The following ZNRF2 variants were observed in gnomAD, a reference collection of about 807,000 sequenced individuals.
The protein encoded by ZNRF2 is zinc and ring finger 2.
Under a neutral mutation model 20.4 loss-of-function variants are expected in ZNRF2, and 16 were observed. That is an observed-to-expected ratio of 0.79 (90% CI 0.53 to 1.19). The LOEUF is 1.19. Ranked by LOEUF, ZNRF2 falls within the 50% of genes most tolerant of loss-of-function variation. The pLI is 0.00. For synonymous variants in ZNRF2, 178 were observed against 144.9 expected (o/e 1.23, Z -1.64); for missense variants, 363 against 332.4 (o/e 1.09, Z -0.72).
chr7:30,288,474 A>T (rs907404274), intron 1 of ZNRF2, among the ~76,000 whole-genome samples: 1 of 152,212 alleles, frequency 6.6e-6, no homozygotes, highest in Non-Finnish European at 1.5e-5. Context: ...TATTTTTAAC[A>T]CTTAAGAGTC....
intron 3 of ZNRF2, 61 bp from the exon 4 acceptor site, chr7:30,362,316 C>A: frequency 8.8e-7 from 1 of 1,134,594 alleles, no homozygotes; most frequent in Non-Finnish European, 1.2e-6. Flanking sequence ...TTTACTGTGG[C>A]TCTCATTATA....
At chr7:30,322,111 C>T (rs966983435) in intron 1 of ZNRF2, among the ~76,000 whole-genome samples, 2 of 151,922 alleles carry the variant, frequency 1.3e-5, no homozygotes, top group Non-Finnish European at 2.9e-5. Context: ...TTGTTTTAAT[C>T]GAATCCTCCT....
At position 30,367,687 on chromosome 7, in the gene ZNRF2, G is replaced by A. The variant is rs1800236835; in HGVS notation, c.*1675G>A. On this transcript the variant is annotated 3_prime_UTR_variant, in exon 5 of 5. Coordinates refer to ENST00000323037, the MANE Select transcript of ZNRF2 (RefSeq NM_147128.4). Reference sequence around the variant, plus strand: ...ATTAAAGAGTTTTTAATTGCTTTCTGTATGATTCCAGCTCAGATAACATTT... The same window carrying A: ...ATTAAAGAGTTTTTAATTGCTTTCTATATGATTCCAGCTCAGATAACATTT... 1.3e-5 allele frequency: 2 copies of A among 151,746 alleles called. No individual in the cohort carries two copies. Among genetic ancestry groups the A allele is most frequent in the Non-Finnish European group, 3.0e-5 (2 of 67,742 alleles). The allele number at this position is 151,746 out of a possible 1,614,324, so 9.4% of individuals were successfully genotyped here.
At chr7:30,365,724 TAGAG>T (rs1800203036) in intron 4 of ZNRF2, among the ~76,000 whole-genome samples, 1 of 152,332 alleles carries the variant, frequency 6.6e-6, no homozygotes, top group Middle Eastern at 3.4e-3. Context: ...CAACCCAAAA[TAGAG>T]AGACATGAAT....
At chr7:30,338,349 T>G (rs1470391908) in intron 2 of ZNRF2, among the ~76,000 whole-genome samples, 1 of 151,932 alleles carries the variant, frequency 6.6e-6, no homozygotes, top group Non-Finnish European at 1.5e-5. Context: ...GGTATACATG[T>G]GCCATGATGG....
intron 1 of ZNRF2, among the ~76,000 whole-genome samples, chr7:30,288,374 A>G (rs1453503075): frequency 1.3e-5 from 2 of 152,220 alleles, no homozygotes; most frequent in African/African-American, 2.4e-5. Flanking sequence ...ACGTCTCCTA[A>G]TAAGAAAATG....
At chr7:30,349,076 C>A (rs1030369522) in intron 2 of ZNRF2, among the ~76,000 whole-genome samples, 1 of 152,118 alleles carries the variant, frequency 6.6e-6, no homozygotes, top group African/African-American at 2.4e-5. Context: ...TTGGCATTTT[C>A]CAGCTTATTT....
At position 30,323,633 on chromosome 7, in the gene ZNRF2, GT is replaced by G; in HGVS notation, c.470-3del. The G allele has an allele frequency of 6.4e-7, 1 of 1,561,180 alleles. No individual in the cohort carries two copies. The highest frequency in any genetic ancestry group is 8.7e-7 in the Non-Finnish European group (1 of 1,154,104). ...TAGTTAAGTAACTTGAGTTTCTTTT[GT>G]TTTTTAGGATTTAAGTGCCCTGTAT... On this transcript the variant is annotated splice_region_variant and splice_polypyrimidine_tract_variant and intron_variant, in intron 1 of 4. Transcript: ENST00000323037.
At chr7:30,290,700 G>A (rs1798884799) in intron 1 of ZNRF2, among the ~76,000 whole-genome samples, 2 of 152,228 alleles carry the variant, frequency 1.3e-5, no homozygotes, top group South Asian at 4.1e-4. Context: ...TAAACACCAG[G>A]AAGTGTAGGA....
Position 30,285,126 on chromosome 7 carries a change from GCGTCTCCT to G in ZNRF2, c.-224_-217del. 2.4e-6 allele frequency: 1 copy of G among 417,920 alleles called. No homozygotes were observed. Among genetic ancestry groups the G allele is most frequent in the Non-Finnish European group, 4.7e-6 (1 of 214,028 alleles). 25.9% of individuals were successfully genotyped at this position (417,920 alleles called of 1,614,324 possible). A position where few individuals can be genotyped will look rare whatever the true frequency, so the allele number is the denominator to read the frequency against. On this transcript the variant is annotated 5_prime_UTR_variant, in exon 1 of 5. Transcript: ENST00000323037. ...CTGCAGCCGGGACCCCTTCCTCTCC[GCGTCTCCT>G]CGTCTCCCGCGCCCGCGTCAGGCCG... is the stretch of plus-strand genomic sequence containing the variant.
At chr7:30,301,718 A>AAC in intron 1 of ZNRF2, among the ~76,000 whole-genome samples, 1 of 151,264 alleles carries the variant, frequency 6.6e-6, no homozygotes, top group Non-Finnish European at 1.5e-5. Context: ...AAAAAAAAAA[A>AAC]AAAAACTTAT....
intron 3 of ZNRF2, among the ~76,000 whole-genome samples, chr7:30,359,513 A>G (rs1800094217): frequency 6.6e-6 from 1 of 152,176 alleles, no homozygotes; most frequent in Admixed American, 6.5e-5. Flanking sequence ...AAGATTTTCC[A>G]GCACATTAAT....
intron 1 of ZNRF2, among the ~76,000 whole-genome samples, chr7:30,293,881 A>T (rs931742777): frequency 6.6e-6 from 1 of 152,230 alleles, no homozygotes; most frequent in African/African-American, 2.4e-5. Context: ...CATGTGGAAT[A>T]TCCTAATTTT....
intron 2 of ZNRF2, among the ~76,000 whole-genome samples, chr7:30,329,133 TTC>T (rs1224533016): frequency 9.9e-5 from 15 of 152,186 alleles, no homozygotes; most frequent in Non-Finnish European, 1.5e-4. Flanking sequence ...TATTAGCAAA[TTC>T]TTAGTTTTTT....
chr7:30,294,393 C>T (rs1010379371), intron 1 of ZNRF2, among the ~76,000 whole-genome samples: 5 of 152,036 alleles, frequency 3.3e-5, no homozygotes, highest in East Asian at 1.9e-4. Context: ...AACTGCATTT[C>T]GATATTTTCT....
At chr7:30,318,559 C>T (rs976758525) in intron 1 of ZNRF2, among the ~76,000 whole-genome samples, 6 of 152,086 alleles carry the variant, frequency 3.9e-5, no homozygotes, top group Admixed American at 1.3e-4. Flanking sequence ...TGTATTTTTC[C>T]TGCCAATTGG....
intron 1 of ZNRF2, among the ~76,000 whole-genome samples, chr7:30,286,494 G>A (rs1200443550): frequency 1.3e-5 from 2 of 152,152 alleles, no homozygotes; most frequent in African/African-American, 4.8e-5. Flanking sequence ...TAAAAATTTT[G>A]CACATCTGTC....
intron 1 of ZNRF2, among the ~76,000 whole-genome samples, chr7:30,320,960 A>G (rs1799460346): frequency 6.6e-6 from 1 of 152,182 alleles, no homozygotes; most frequent in Non-Finnish European, 1.5e-5. Context: ...TTGATGTATC[A>G]TTCTGTGAGA....
intron 1 of ZNRF2, among the ~76,000 whole-genome samples, chr7:30,306,618 A>T (rs1256751872): frequency 6.6e-6 from 1 of 152,174 alleles, no homozygotes; most frequent in African/African-American, 2.4e-5. Flanking sequence ...TACATTATGG[A>T]TAAACATAGA....
Sources: allele counts gnomAD v4.1 joint callset (sites outside exome capture counted in the v4.1 genomes callset), GRCh38; gene constraint gnomAD v4.1.1; transcripts MANE v1.5; gene names NCBI Gene and HGNC (gene_info 2026-07-23, HGNC 2026-07-21).